JAKMIP3: variants seen among roughly 807,000 people sequenced by gnomAD.
The protein encoded by JAKMIP3 is janus kinase and microtubule-interacting protein 3.
A neutral mutation model predicts 118.5 loss-of-function variants in JAKMIP3; 58 were observed. That is an observed-to-expected ratio of 0.49 (90% CI 0.40 to 0.61). JAKMIP3 has a LOEUF of 0.61. Among genes scored for constraint, JAKMIP3 ranks in the 20% least tolerant of loss-of-function variants. The pLI, the probability that JAKMIP3 is intolerant of heterozygous loss-of-function variation, is 0.00. For synonymous variants in JAKMIP3, 486 were observed against 451.2 expected, an observed-to-expected ratio of 1.08 and a Z score of -0.98; for missense variants, 950 against 1,109.0, an observed-to-expected ratio of 0.86 and a Z score of 2.04.
At chr10:132,074,938 A>T (rs1261825314) in intron 1 of JAKMIP3, among the ~76,000 whole-genome samples, 2 of 152,116 alleles carry the variant, frequency 1.3e-5, no homozygotes, top group Admixed American at 1.3e-4. Flanking sequence ...AAAGGGTGTC[A>T]TTTCCCCAGT....
In JAKMIP3 at chr10:132,141,949, G is replaced by C; in HGVS notation, c.1503G>C (p.Arg501Ser). 1.3e-6 allele frequency: 2 copies of C among 1,595,874 alleles called. No individual in the cohort carries two copies. Among genetic ancestry groups the C allele is most frequent in the Middle Eastern group, 1.7e-4 (1 of 6,046 alleles). ...TGGCCAAGGAGGAGACGGAGCTGAGGTTCCGGCAGCTGACCATGGAGTACC... is the reference window on the plus strand; with the variant it reads ...TGGCCAAGGAGGAGACGGAGCTGAGCTTCCGGCAGCTGACCATGGAGTACC... ...EGMAKEETEL[R>S]FRQLTMEYQA... is the part of the protein sequence containing the mutation. The change falls in exon 11 of 24, where the codon AGG becomes AGC. Residue 501 changes from arginine to serine, a missense_variant. Physicochemically the swap from Arg to Ser is moderately radical, Grantham distance 110. Coordinates refer to ENST00000684848, the MANE Select transcript of JAKMIP3 (RefSeq NM_001323087.2).
Position 132,117,325 on chromosome 10 carries a change from C to T in JAKMIP3, c.384C>T (p.Pro128=), listed in dbSNP as rs758624911. ...TCAGTGCCCTGCGTGATGGCGGCCC[C>T]GAAAAGGTCAAGACCGTGCTGCTGT... ...ALLSALRDGG[P]EKVKTVLLSE... is the part of the protein sequence containing the mutation. Residue 128 remains proline, a synonymous_variant, in exon 3 of 24, where the codon CCC becomes CCT. Coordinates refer to ENST00000684848, the MANE Select transcript of JAKMIP3 (RefSeq NM_001323087.2). The surrounding 1 kb of genome is among the most constrained non-coding windows in gnomAD (Gnocchi z 8.6). The T allele has an allele frequency of 1.1e-5, 17 of 1,613,810 alleles. No homozygotes were observed. Among genetic ancestry groups the T allele is most frequent in the African/African-American group, 1.3e-5 (1 of 74,918 alleles).
chr10:132,124,505 G>C (rs77404223), intron 3 of JAKMIP3, among the ~76,000 whole-genome samples: 3 of 148,652 alleles, frequency 2.0e-5, no homozygotes, highest in African/African-American at 7.3e-5. Context: ...ATTGCCACGC[G>C]GTCACCCATC....
intron 3 of JAKMIP3, among the ~76,000 whole-genome samples, chr10:132,121,678 G>A (rs995962940): frequency 3.9e-5 from 6 of 152,180 alleles, no homozygotes; most frequent in South Asian, 2.1e-4. Context: ...GTCTGGGGAC[G>A]GGCAGGCCTG....
intron 23 of JAKMIP3, among the ~76,000 whole-genome samples, chr10:132,172,411 G>A (rs957032722): frequency 1.3e-5 from 2 of 152,010 alleles, no homozygotes; most frequent in Non-Finnish European, 1.5e-5. Context: ...GAGATTCGCC[G>A]AGACTGAAAA....
chr10:132,180,546 C>CGCGCGCGCGTGTGT (rs1467305126), intron 23 of JAKMIP3, among the ~76,000 whole-genome samples: 4 of 15,948 alleles, frequency 2.5e-4, no homozygotes, highest in Admixed American at 2.4e-3. Flanking sequence ...TGTGTGTGTG[C>CGCGCGCGCGTGTGT]GTGCGTGCAT....
In JAKMIP3 at chr10:132,145,157, G is replaced by C; in HGVS notation, c.1653G>C (p.Glu551Asp). The C allele has an allele frequency of 6.2e-7, 1 of 1,612,370 alleles. No individual in the cohort carries two copies. Among genetic ancestry groups the C allele is most frequent in the Non-Finnish European group, 8.5e-7 (1 of 1,179,700 alleles). ...AEVQRAQARI[E>D]DLEKALAEQG... ...TGCAGAGGGCACAGGCGCGGATAGA[G>C]GACCTGGAGAAGGCCCTGGCGGAGC... The change falls in exon 12 of 24, where the codon GAG becomes GAC. Residue 551 changes from glutamate (E) to aspartate (D), a missense_variant. By Grantham distance (45) the Glu-to-Asp change is conservative. Transcript: ENST00000684848.
chr10:132,184,293 A>G lies in JAKMIP3; in HGVS notation c.*3040A>G, dbSNP rs1016639382. The stretch of plus-strand genomic sequence containing the variant: ...AATCTGTAGCCTTCAGGATACCCCG[A>G]GTGCCTTACAGGGCTTGTGAACACC... On this transcript the variant is annotated 3_prime_UTR_variant, in exon 24 of 24. Transcript: ENST00000684848. The G allele has an allele frequency of 1.3e-5, 2 of 152,202 alleles. No individual in the cohort carries two copies. Among genetic ancestry groups the G allele is most frequent in the Non-Finnish European group, 2.9e-5 (2 of 68,032 alleles). The allele number at this position is 152,202 out of a possible 1,614,324, so 9.4% of individuals were successfully genotyped here.
At chr10:132,162,882 C>T (rs1239650040) in intron 19 of JAKMIP3, among the ~76,000 whole-genome samples, 1 of 152,042 alleles carries the variant, frequency 6.6e-6, no homozygotes, top group Non-Finnish European at 1.5e-5. Flanking sequence ...TCCCTCCCAC[C>T]TTGCTGTATC....
At chr10:132,040,163 G>C (rs2037683095) in intron 1 of JAKMIP3, among the ~76,000 whole-genome samples, 2 of 152,174 alleles carry the variant, frequency 1.3e-5, no homozygotes, top group South Asian at 4.1e-4. Flanking sequence ...TGAGGTTATA[G>C]GGTGGGCCCC....
intron 1 of JAKMIP3, among the ~76,000 whole-genome samples, chr10:132,045,747 A>C (rs1289917199): frequency 6.6e-6 from 1 of 152,038 alleles, no homozygotes; most frequent in African/African-American, 2.4e-5. Context: ...TGGACAATAT[A>C]GTAAGACCCC....
chr10:132,133,409 A>G lies in JAKMIP3; in HGVS notation c.731A>G (p.Glu244Gly), dbSNP rs1399823206. ...GCTCAGAGACTGCAGCTCCAAAAAG[A>G]GGCTCTAGATGAGCAGCTGTCCCAG... is the stretch of plus-strand genomic sequence containing the variant. ...GHAQRLQLQKEALDEQLSQVR... is the reference protein window; with the variant it reads ...GHAQRLQLQKGALDEQLSQVR... The change falls in exon 4 of 24, where the codon GAG (glutamate) becomes GGG (glycine). Residue 244 changes from glutamate to glycine, a missense_variant. By Grantham distance (98) the Glu-to-Gly change is moderately conservative. Coordinates refer to ENST00000684848, the MANE Select transcript of JAKMIP3 (RefSeq NM_001323087.2). 3.1e-6 allele frequency: 5 copies of G among 1,598,762 alleles called. No homozygotes were observed. Among genetic ancestry groups the G allele is most frequent in the Non-Finnish European group, 4.3e-6 (5 of 1,172,920 alleles).
intron 2 of JAKMIP3, among the ~76,000 whole-genome samples, chr10:132,107,925 C>CGTCCCCA (rs2046168936): frequency 1.3e-5 from 2 of 152,334 alleles, no homozygotes; most frequent in South Asian, 4.1e-4. Context: ...TTGACGGTGA[C>CGTCCCCA]GTCCCCAGGG....
At chr10:132,139,523 T>A (rs1296509226) in intron 9 of JAKMIP3, among the ~76,000 whole-genome samples, 1 of 150,496 alleles carries the variant, frequency 6.6e-6, no homozygotes, top group Non-Finnish European at 1.5e-5. Context: ...TGTGAGTGTG[T>A]GTGTGGCTTG....
At chr10:132,052,077 T>C (rs2038120153) in intron 1 of JAKMIP3, among the ~76,000 whole-genome samples, 1 of 151,974 alleles carries the variant, frequency 6.6e-6, no homozygotes, top group African/African-American at 2.4e-5. Context: ...AAACCACAAT[T>C]AGCCAGGCAT....
At position 132,049,676 on chromosome 10, in the gene JAKMIP3, G is replaced by GTC. The variant is rs2038044115; in HGVS notation, c.-138+12941_-138+12942dup. On this transcript the variant is annotated intron_variant, in intron 1 of 23. Coordinates refer to the JAKMIP3 transcript ENST00000657785. This position sits in a 1 kb window ranked among gnomAD's most constrained non-coding sequence, Gnocchi z 4.3. ...TTTTTCTTTTTTAAAAGTGGGGGAG[G>GTC]TCTCACTATGCTGCCCAGGCTGGCC... Among the ~76,000 whole-genome samples, 1 of 151,970 alleles carries GTC rather than the reference G, an allele frequency of 6.6e-6. No individual in the cohort carries two copies. The highest frequency in any genetic ancestry group is 1.5e-5 in the Non-Finnish European group (1 of 68,008).
intron 1 of JAKMIP3, among the ~76,000 whole-genome samples, chr10:132,082,735 C>T (rs777244610): frequency 3.3e-5 from 5 of 152,026 alleles, no homozygotes; most frequent in Non-Finnish European, 4.4e-5. Flanking sequence ...CTCAGCCTCC[C>T]GAGTAGCTGG....
At chr10:132,159,515 TGTGTCTTCCTGTGTGATGCTGGGA>T (rs2057619308) in intron 19 of JAKMIP3, among the ~76,000 whole-genome samples, 1 of 46,870 alleles carries the variant, frequency 2.1e-5, no homozygotes. Context: ...ATGCTGGGGG[TGTGTCTTCCTGTGTGATGCTGGGA>T]GGGTCTCTCC....
chr10:132,155,581 AGTGT>A (rs1258023043), intron 19 of JAKMIP3, among the ~76,000 whole-genome samples: 1 of 152,208 alleles, frequency 6.6e-6, no homozygotes, highest in Non-Finnish European at 1.5e-5. Context: ...TGTGGAAGCC[AGTGT>A]GTGAGCCATG....
Sources: gnomAD v4.1 joint callset for allele counts (sites outside exome capture counted in the v4.1 genomes callset) on GRCh38, gnomAD v4.1.1 for gene constraint, Gnocchi (gnomAD v3.1) non-coding constraint, MANE v1.5 for transcripts, NCBI Gene and HGNC (gene_info 2026-07-23, HGNC 2026-07-21) for gene names.